The following GRM1 variants were observed in gnomAD, a reference collection of about 807,000 sequenced individuals.
GRM1 encodes glutamate metabotropic receptor 1.
In GRM1, 33 loss-of-function variants were observed where a neutral mutation model predicts 90.9. The ratio of observed to expected loss-of-function variants is 0.36; its 90% confidence interval spans 0.28 to 0.49. GRM1 has a LOEUF of 0.49. GRM1 is among the 20% of genes least tolerant of loss of function. The probability of loss-of-function intolerance (pLI) is 0.99; values close to 1 mark genes in which losing one functional copy is unlikely to be tolerated. For synonymous variants in GRM1, 700 were observed against 613.2 expected (o/e 1.14, Z -2.09); for missense variants, 1,190 against 1,534.3 (o/e 0.78, Z 3.75).
intron 7 of GRM1, among the ~76,000 whole-genome samples, chr6:146,412,002 T>A (rs1397106419): frequency 1.3e-5 from 2 of 152,114 alleles, no homozygotes; most frequent in Non-Finnish European, 2.9e-5. Flanking sequence ...TCATTACAAA[T>A]TTAAGATGAA....
At chr6:146,125,389 G>C (rs1776158394) in intron 1 of GRM1, among the ~76,000 whole-genome samples, 1 of 151,874 alleles carries the variant, frequency 6.6e-6, no homozygotes, top group South Asian at 2.1e-4. Context: ...CTGGTATTTA[G>C]AACATAGGGA....
At chr6:146,352,683 A>G (rs1176772092) in intron 4 of GRM1, among the ~76,000 whole-genome samples, 187 bp downstream of exon 4, 1 of 152,112 alleles carries the variant, frequency 6.6e-6, no homozygotes, top group Non-Finnish European at 1.5e-5. Context: ...TAAGACATTA[A>G]AATACTTCTT....
At position 146,232,408 on chromosome 6, in the gene GRM1, T is replaced by C. The variant is rs371494842; in HGVS notation, c.951-72203T>C. ...TAAATTTTTAACTTTTGTGGGTACA[T>C]AGTAGATGCATATATTTATATGGTA... is the stretch of plus-strand genomic sequence containing the variant. On this transcript the variant is annotated intron_variant, in intron 2 of 7. Coordinates refer to ENST00000282753, the MANE Select transcript of GRM1 (RefSeq NM_001278064.2). 4.0e-4 allele frequency among the ~76,000 whole-genome samples: 61 copies of C among 152,212 alleles called. 1 individual carries two copies. Among genetic ancestry groups the C allele is most frequent in the African/African-American group, 1.4e-3 (58 of 41,568 alleles).
rs1385369040 is a variant in GRM1, at chr6:146,133,856, C to T, written c.701-25492C>T. On this transcript the variant is annotated intron_variant, in intron 1 of 7. Transcript: ENST00000282753. ...TCAGGGCTTTAATGGGTTACCTCTC[C>T]TAGGATCATTTTTCTTTTCAGGAGC... 3.9e-5 allele frequency among the ~76,000 whole-genome samples: 6 copies of T among 152,188 alleles called. No individual in the cohort carries two copies. In the East Asian group the frequency reaches 9.6e-4, roughly 24 times the overall value.
chr6:146,279,867 C>T (rs1023599326), intron 2 of GRM1, among the ~76,000 whole-genome samples: 24 of 151,662 alleles, frequency 1.6e-4, no homozygotes, highest in African/African-American at 4.9e-4. Context: ...ATGACAAGGG[C>T]GTGATAATTC....
intron 2 of GRM1, among the ~76,000 whole-genome samples, chr6:146,303,922 G>C (rs182891684): frequency 1.6e-4 from 24 of 152,208 alleles, no homozygotes; most frequent in African/African-American, 5.5e-4. Flanking sequence ...TGTTCTAGAA[G>C]GTGATCACAT....
rs952049815 is a variant in GRM1 at position 146,399,987 on chromosome 6, G to C, written c.2660+288G>C. ...ATTCTTGCCTAGAAGCGGAAGCTTC[G>C]GTTCTGCCAGTAACTTACCCTTTCG... On this transcript the variant is annotated intron_variant, in intron 7 of 7. Coordinates refer to ENST00000282753, the MANE Select transcript of GRM1 (RefSeq NM_001278064.2). This position sits in a 1 kb window ranked among gnomAD's most constrained non-coding sequence, Gnocchi z 5.4. Among the ~76,000 whole-genome samples, 4 of 152,178 alleles carry C rather than the reference G, an allele frequency of 2.6e-5. No homozygotes were observed. The highest frequency in any genetic ancestry group is 9.7e-5 in the African/African-American group (4 of 41,448).
At chr6:146,122,839 CTTTTTTTTTTTT>C (rs57859188) in intron 1 of GRM1, among the ~76,000 whole-genome samples, 1 of 62,200 alleles carries the variant, frequency 1.6e-5, no homozygotes, top group Non-Finnish European at 2.9e-5. Flanking sequence ...TCTTTTCTTT[CTTTTTTTTTTTT>C]TTTTTTTTTT....
rs370440431 is a variant in GRM1 at position 146,339,128 on chromosome 6, C to A, written c.1187-13122C>A. ...AATGCAATCACTGTGGTATTAAATT[C>A]TTGTTCTCTTGAATAACTTCAAAGA... On this transcript the variant is annotated intron_variant, in intron 3 of 7. Transcript: ENST00000282753. Among the ~76,000 whole-genome samples the A allele has an allele frequency of 7.2e-5, 11 of 152,198 alleles. No individual in the cohort carries two copies. The East Asian group carries it at 1.5e-3, about 21-fold the overall frequency.
At chr6:146,392,213 A>G (rs1776749653) in intron 6 of GRM1, among the ~76,000 whole-genome samples, 1 of 152,140 alleles carries the variant, frequency 6.6e-6, no homozygotes, top group African/African-American at 2.4e-5. Context: ...TGGGGGTGAT[A>G]AAAAGATTCC....
intron 2 of GRM1, among the ~76,000 whole-genome samples, chr6:146,292,572 T>C (rs1179867421): frequency 1.3e-5 from 2 of 151,926 alleles, no homozygotes; most frequent in African/African-American, 4.8e-5. Flanking sequence ...AATGAGATAC[T>C]ATTTCATATC....
intron 1 of GRM1, among the ~76,000 whole-genome samples, chr6:146,056,160 A>G (rs1775473016): frequency 6.6e-6 from 1 of 152,158 alleles, no homozygotes; most frequent in Admixed American, 6.6e-5. Flanking sequence ...ATAATTAGCT[A>G]TTTTAAAAAG....
chr6:146,107,377 G>C (rs1462761126), intron 1 of GRM1, among the ~76,000 whole-genome samples: 1 of 149,538 alleles, frequency 6.7e-6, no homozygotes, highest in African/African-American at 2.5e-5. Context: ...TTTTTTTATG[G>C]TTTTAACATT....
chr6:146,434,730 C>A lies in GRM1; in HGVS notation c.3519C>A (p.Thr1173=). 6.2e-6 allele frequency: 10 copies of A among 1,601,106 alleles called. No individual in the cohort carries two copies. The highest frequency in any genetic ancestry group is 8.5e-6 in the Non-Finnish European group (10 of 1,179,906). Residue 1173 remains threonine (T), a synonymous_variant, in exon 8 of 8, where the codon ACC becomes ACA. Transcript: ENST00000282753. ...CCGTGTCCGAGTCGGTGCTCTGCAC[C>A]CCTCCCAACGTATCCTACGCCTCTG... The part of the protein sequence containing the change: ...SSPVSESVLC[T]PPNVSYASVI...
intron 3 of GRM1, among the ~76,000 whole-genome samples, chr6:146,318,784 G>A (rs1462800003): frequency 4.6e-5 from 7 of 151,996 alleles, no homozygotes; most frequent in Non-Finnish European, 1.0e-4. Context: ...ATGTTTGTTG[G>A]CCACATAAAT....
intron 2 of GRM1, among the ~76,000 whole-genome samples, chr6:146,161,794 T>G (rs907866459): frequency 2.6e-5 from 4 of 152,214 alleles, no homozygotes; most frequent in Admixed American, 6.5e-5. Context: ...TCTTAGAGAA[T>G]TTTAATGAAA....
At position 146,352,335 on chromosome 6, in the gene GRM1, G is replaced by A; in HGVS notation, c.1272G>A (p.Leu424=). 1 of 1,614,092 alleles carries A rather than the reference G, an allele frequency of 6.2e-7. No individual in the cohort carries two copies. The highest frequency in any genetic ancestry group is 8.5e-7 in the Non-Finnish European group (1 of 1,179,930). ...INAIYAMAHG[L]QNMHHALCPG... ...CCATCTATGCCATGGCACATGGGCT[G>A]CAGAACATGCACCATGCCCTCTGCC... The change falls in exon 4 of 8, where the codon CTG becomes CTA. Residue 424 remains leucine, a synonymous_variant. Coordinates refer to ENST00000282753, the MANE Select transcript of GRM1 (RefSeq NM_001278064.2).
intron 1 of GRM1, among the ~76,000 whole-genome samples, chr6:146,128,054 G>A (rs1276922229): frequency 7.2e-5 from 11 of 152,112 alleles, no homozygotes; most frequent in Admixed American, 5.9e-4. Context: ...GCCTCTCTAC[G>A]TGGCTGCTTG....
intron 2 of GRM1, among the ~76,000 whole-genome samples, chr6:146,256,897 G>A (rs1419590919): frequency 1.3e-5 from 2 of 152,076 alleles, no homozygotes; most frequent in African/African-American, 4.8e-5. Flanking sequence ...GGGTGTTCAT[G>A]GCCCTCTACT....
Sources: gnomAD v4.1 joint callset for allele counts (sites outside exome capture counted in the v4.1 genomes callset) on GRCh38, gnomAD v4.1.1 for gene constraint, Gnocchi (gnomAD v3.1) non-coding constraint, MANE v1.5 for transcripts, NCBI Gene and HGNC (gene_info 2026-07-23, HGNC 2026-07-21) for gene names.